Variants in SDK1 observed in about 807,000 individuals in gnomAD.
SDK1 encodes the protein protein sidekick-1.
A neutral mutation model predicts 245.5 loss-of-function variants in SDK1; 157 were observed. The ratio of observed to expected loss-of-function variants is 0.64; its 90% CI spans 0.56 to 0.73. The LOEUF (loss-of-function observed/expected upper bound fraction) is 0.73. Ranked by LOEUF, SDK1 falls within the 30% of genes least tolerant of loss-of-function variation. The probability of loss-of-function intolerance (pLI) is 0.00; values close to 1 mark genes in which losing one functional copy is unlikely to be tolerated. For synonymous variants in SDK1, 1,647 were observed against 1,278.5 expected, an observed-to-expected ratio of 1.29 and a Z score of -6.15; for missense variants, 3,583 against 3,002.3, an observed-to-expected ratio of 1.19 and a Z score of -4.52.
At chr7:3,394,045 C>G (rs1032609066) in intron 1 of SDK1, among the ~76,000 whole-genome samples, 2 of 152,126 alleles carry the variant, frequency 1.3e-5, no homozygotes, top group Admixed American at 6.6e-5. Flanking sequence ...AGGGGGCACC[C>G]TAAGGCCAGT....
At chr7:3,992,679 G>C (rs1488299931) in intron 14 of SDK1, among the ~76,000 whole-genome samples, 1 of 152,168 alleles carries the variant, frequency 6.6e-6, no homozygotes, top group African/African-American at 2.4e-5. Context: ...GAGGGAGACT[G>C]TCAGGTAAGA....
At chr7:3,415,135 T>C (rs537334437) in intron 1 of SDK1, among the ~76,000 whole-genome samples, 41 of 152,342 alleles carry the variant, frequency 2.7e-4, no homozygotes, top group African/African-American at 8.2e-4. Flanking sequence ...CTTTTGAGGT[T>C]GTATCCAACT....
At chr7:3,804,483 C>T (rs900501640) in intron 4 of SDK1, among the ~76,000 whole-genome samples, 1 of 152,174 alleles carries the variant, frequency 6.6e-6, no homozygotes, top group South Asian at 2.1e-4. Context: ...CTGGATATAG[C>T]TGTATATCTG....
intron 4 of SDK1, among the ~76,000 whole-genome samples, chr7:3,703,011 A>G (rs913543062): frequency 6.6e-6 from 1 of 151,658 alleles, no homozygotes; most frequent in Admixed American, 6.6e-5. Flanking sequence ...CATCTAGAAA[A>G]TATTGGAAAA....
intron 1 of SDK1, among the ~76,000 whole-genome samples, chr7:3,357,129 T>C (rs1440923579): frequency 6.8e-6 from 1 of 147,360 alleles, no homozygotes; most frequent in African/African-American, 2.5e-5. Flanking sequence ...ATCAGAAAAA[T>C]ACCTGCTTGA....
chr7:4,148,817 G>A (rs1780158087), intron 29 of SDK1, among the ~76,000 whole-genome samples: 1 of 152,206 alleles, frequency 6.6e-6, no homozygotes, highest in Non-Finnish European at 1.5e-5. Flanking sequence ...CAGCTCTTTG[G>A]GAGGCCGAGG....
rs190142016 is a variant in SDK1, at chr7:3,950,059, A to G, written c.848-864A>G. On this transcript the variant is annotated intron_variant, in intron 5 of 44. Transcript: ENST00000404826. ...ACTCAGTAAGCAAACTCTTAAATCAATAAAAGAAAAATAAAGCCAGCAAGC... is the reference window on the plus strand; with the variant it reads ...ACTCAGTAAGCAAACTCTTAAATCAGTAAAAGAAAAATAAAGCCAGCAAGC... Among the ~76,000 whole-genome samples the G allele has an allele frequency of 4.0e-4, 61 of 152,370 alleles. 1 individual carries two copies. The highest frequency in any genetic ancestry group is 1.4e-3 in the African/African-American group (58 of 41,598).
intron 22 of SDK1, among the ~76,000 whole-genome samples, chr7:4,108,006 C>T (rs1254732021): frequency 6.6e-6 from 1 of 152,194 alleles, no homozygotes; most frequent in East Asian, 1.9e-4. Context: ...CCCATTTATG[C>T]ATCAGCTGCA....
chr7:3,546,764 A>G (rs1432719275), intron 1 of SDK1, among the ~76,000 whole-genome samples: 1 of 152,242 alleles, frequency 6.6e-6, no homozygotes. Context: ...CCTGGAATCT[A>G]GAAATCTCTC....
At chr7:4,074,916 A>AT (rs55899344) in intron 20 of SDK1, among the ~76,000 whole-genome samples, 1,274 of 64,554 alleles carry the variant, frequency 0.02, 56 homozygotes, top group Non-Finnish European at 0.021. Context: ...ATATATATAT[A>AT]TTTTTTTTTT....
intron 28 of SDK1, 115 bp downstream of exon 28, chr7:4,132,538 A>G (rs1402859812): frequency 1.5e-6 from 1 of 668,546 alleles, no homozygotes; most frequent in Non-Finnish European, 2.7e-6. Flanking sequence ...CCTGGGCAAC[A>G]TTGTGAGACC....
At position 3,618,981 on chromosome 7, in the gene SDK1, T is replaced by G. The variant is rs540379253; in HGVS notation, c.299-99T>G. 8.6e-5 allele frequency: 88 copies of G among 1,024,050 alleles called. No homozygotes were observed. The African/African-American group carries it at 1.3e-3, about 15-fold the overall frequency. 63.4% of individuals were successfully genotyped at this position (1,024,050 alleles called of 1,614,324 possible). ...GGCCAAACAGCCATCACTTTCATTT[T>G]AATATTACGTTTGTTTAAATAATAG... On this transcript the variant is annotated intron_variant, in intron 1 of 44. Transcript: ENST00000404826.
intron 4 of SDK1, among the ~76,000 whole-genome samples, chr7:3,709,699 A>G (rs1784987333): frequency 6.6e-6 from 1 of 152,260 alleles, no homozygotes; most frequent in Admixed American, 6.5e-5. Flanking sequence ...CCATATTGAA[A>G]AAAAGAAGTT....
In SDK1 at chr7:3,788,258, C is replaced by T. The variant is rs978059024; in HGVS notation, c.714-33192C>T. Among the ~76,000 whole-genome samples the T allele has an allele frequency of 4.6e-5, 7 of 152,188 alleles. No homozygotes were observed. In the South Asian group the frequency reaches 1.0e-3, roughly 23 times the overall value. ...CGGACACCAGACACCTTCATACGCA[C>T]GCTTGTCAGAACAGCAGAAACCTGG... On this transcript the variant is annotated intron_variant, in intron 4 of 44. Coordinates refer to ENST00000404826, the MANE Select transcript of SDK1 (RefSeq NM_152744.4).
intron 1 of SDK1, among the ~76,000 whole-genome samples, chr7:3,516,778 A>G (rs1782765573): frequency 6.6e-6 from 1 of 152,170 alleles, no homozygotes; most frequent in Non-Finnish European, 1.5e-5. Flanking sequence ...AGTATTAGAC[A>G]TTTTTACTTT....
At chr7:3,471,105 T>C (rs1781169049) in intron 1 of SDK1, among the ~76,000 whole-genome samples, 2 of 152,180 alleles carry the variant, frequency 1.3e-5, no homozygotes, top group African/African-American at 4.8e-5. Context: ...GTTGCTATTA[T>C]TTGGTAACAT....
intron 5 of SDK1, among the ~76,000 whole-genome samples, chr7:3,935,139 G>A (rs1393217531): frequency 6.6e-6 from 1 of 152,124 alleles, no homozygotes; most frequent in Non-Finnish European, 1.5e-5. Flanking sequence ...AAAAGCCCTG[G>A]GCCTGTTGGT....
chr7:3,549,483 GTTCTT>G (rs1779334091), intron 1 of SDK1, among the ~76,000 whole-genome samples: 1 of 152,170 alleles, frequency 6.6e-6, no homozygotes. Flanking sequence ...ATAAAAGTAA[GTTCTT>G]TTCAGAGCAG....
intron 35 of SDK1, among the ~76,000 whole-genome samples, chr7:4,194,099 G>A (rs1020211437): frequency 6.6e-6 from 1 of 152,064 alleles, no homozygotes; most frequent in South Asian, 2.1e-4. Context: ...ACCAACAGAA[G>A]AACTCCATCC....
Sources: allele counts gnomAD v4.1 joint callset (sites outside exome capture counted in the v4.1 genomes callset), GRCh38; gene constraint gnomAD v4.1.1; transcripts MANE v1.5; gene names NCBI Gene and HGNC (gene_info 2026-07-23, HGNC 2026-07-21).